MTAP: variants seen among roughly 807,000 people sequenced by gnomAD.
The protein encoded by MTAP is S-methyl-5'-thioadenosine phosphorylase.
MTAP carries 33 observed loss-of-function variants against 33.6 expected under a neutral mutation model. That is an observed-to-expected ratio of 0.98 (90% CI 0.74 to 1.31). MTAP has a LOEUF of 1.31. Ranked by LOEUF, MTAP falls within the 40% of genes most tolerant of loss-of-function variation. MTAP has a pLI of 0.00. For synonymous variants in MTAP, 148 were observed against 125.7 expected, an observed-to-expected ratio of 1.18 and a Z score of -1.19; for missense variants, 367 against 360.0, an observed-to-expected ratio of 1.02 and a Z score of -0.16.
chr9:21,862,954 C>G lies in MTAP; in HGVS notation c.*940C>G. ...AAAGTGGATTTAGAAAGATCCAGTT[C>G]TTGAAAACACTGTTTCTGGTAATGA... On this transcript the variant is annotated 3_prime_UTR_variant, in exon 8 of 8. Transcript: ENST00000644715. The G allele has an allele frequency of 1.0e-6, 1 of 982,860 alleles. No homozygotes were observed. Among genetic ancestry groups the G allele is most frequent in the Non-Finnish European group, 1.2e-6 (1 of 827,714 alleles). The allele number at this position is 982,860 out of a possible 1,614,324, so 60.9% of individuals were successfully genotyped here. A position where few individuals can be genotyped will look rare whatever the true frequency, so the allele number is the denominator to read the frequency against.
At chr9:21,873,759 T>C (rs1444089217) in intron 1 of MTAP, among the ~76,000 whole-genome samples, 3 of 152,122 alleles carry the variant, frequency 2.0e-5, no homozygotes, top group African/African-American at 7.2e-5. Context: ...AAGGAACAGC[T>C]ATAGAAGTTG....
chr9:21,905,015 T>C (rs907153869), intron 1 of MTAP, among the ~76,000 whole-genome samples: 1 of 152,156 alleles, frequency 6.6e-6, no homozygotes, highest in African/African-American at 2.4e-5. Flanking sequence ...TGGCAGTGTC[T>C]AGAGTTGTTT....
intron 4 of MTAP, 126 bp from the exon 5 acceptor site, chr9:21,837,782 G>GA: frequency 1.4e-6 from 1 of 722,306 alleles, no homozygotes; most frequent in Non-Finnish European, 2.3e-6. Flanking sequence ...AGCTTATCCA[G>GA]AGGAATTGAG....
At chr9:21,844,762 C>T (rs762008975) in intron 5 of MTAP, among the ~76,000 whole-genome samples, 65 of 152,286 alleles carry the variant, frequency 4.3e-4, no homozygotes, top group African/African-American at 1.3e-3. Flanking sequence ...GGGCTGGGCA[C>T]GGTGGCTCAC....
At chr9:21,929,576 C>T in intron 1 of MTAP, 2 of 367,608 alleles carry the variant, frequency 5.4e-6, no homozygotes, top group Non-Finnish European at 1.1e-5. Flanking sequence ...CCTTACTCCA[C>T]CAAATGCTGG....
chr9:21,817,920 C>G, intron 3 of MTAP, 115 bp from the exon 4 acceptor site: 1 of 1,004,734 alleles, frequency 1.0e-6, no homozygotes. Context: ...TAGGAGACCC[C>G]CTGTGTTAGT....
intron 1 of MTAP, among the ~76,000 whole-genome samples, chr9:21,895,874 C>G (rs1244558174): frequency 6.6e-6 from 1 of 152,122 alleles, no homozygotes; most frequent in Non-Finnish European, 1.5e-5. Flanking sequence ...GTAGATTCCA[C>G]CTCTGGGAAT....
chr9:21,895,369 G>A (rs1452176178), intron 1 of MTAP, among the ~76,000 whole-genome samples: 1 of 152,150 alleles, frequency 6.6e-6, no homozygotes, highest in Admixed American at 6.5e-5. Flanking sequence ...TTCCAAGATG[G>A]CTGAATAGGA....
At chr9:21,830,628 G>T (rs935651120) in intron 4 of MTAP, among the ~76,000 whole-genome samples, 2 of 152,118 alleles carry the variant, frequency 1.3e-5, no homozygotes, top group African/African-American at 4.8e-5. Flanking sequence ...CATAAGATAT[G>T]TACTCCCAGA....
chr9:21,850,874 C>G (rs796786882), intron 5 of MTAP, among the ~76,000 whole-genome samples: 1 of 152,176 alleles, frequency 6.6e-6, no homozygotes, highest in Admixed American at 6.5e-5. Context: ...CCTGAAGGCA[C>G]TTTGCTGTGC....
At chr9:21,912,567 C>T (rs1432505155) in intron 1 of MTAP, among the ~76,000 whole-genome samples, 10 of 152,080 alleles carry the variant, frequency 6.6e-5, no homozygotes, top group South Asian at 6.2e-4. Flanking sequence ...AAAAGACCTT[C>T]GATAAAATTG....
chr9:21,883,013 G>A (rs1178809016), intron 1 of MTAP, among the ~76,000 whole-genome samples: 2 of 151,126 alleles, frequency 1.3e-5, no homozygotes, highest in Non-Finnish European at 2.9e-5. Flanking sequence ...AACTCAAGAA[G>A]TGATTAAAAA....
intron 1 of MTAP, among the ~76,000 whole-genome samples, chr9:21,807,759 T>A (rs1401378018): frequency 6.6e-6 from 1 of 152,194 alleles, no homozygotes; most frequent in Non-Finnish European, 1.5e-5. Flanking sequence ...TTTTTGTTGC[T>A]TTGAGGAAGT....
At chr9:21,906,196 CAGA>C (rs1470480688) in intron 1 of MTAP, among the ~76,000 whole-genome samples, 1 of 151,876 alleles carries the variant, frequency 6.6e-6, no homozygotes, top group African/African-American at 2.4e-5. Flanking sequence ...CAAATGTTAG[CAGA>C]AGAAGAGATA....
chr9:21,818,264 G>A (rs1382279242), intron 4 of MTAP, 62 bp downstream of exon 4: 156 of 1,513,650 alleles, frequency 1.0e-4, no homozygotes, highest in Non-Finnish European at 1.3e-4. Context: ...TCAAATGGAC[G>A]ACGCGTGGGA....
At chr9:21,872,373 A>G (rs1312460353) in intron 1 of MTAP, among the ~76,000 whole-genome samples, 1 of 152,114 alleles carries the variant, frequency 6.6e-6, no homozygotes, top group Non-Finnish European at 1.5e-5. Flanking sequence ...GAATAGTAAA[A>G]CCAATATTTT....
chr9:21,823,803 G>A lies in MTAP; in HGVS notation c.347+5601G>A, dbSNP rs192950882. 6.9e-3 allele frequency among the ~76,000 whole-genome samples: 1,046 copies of A among 152,224 alleles called. 11 individuals carry two copies. Among genetic ancestry groups the A allele is most frequent in the African/African-American group, 0.023 (937 of 41,532 alleles). On this transcript the variant is annotated intron_variant, in intron 4 of 7. Transcript: ENST00000644715. ...TAGTCCCATATTTCTTGGAGGCTTC[G>A]TTCATTTCTTTTTACTCTTTTTTCT...
chr9:21,871,028 T>TA (rs1489595197), downstream of MTAP, among the ~76,000 whole-genome samples: 3 of 152,028 alleles, frequency 2.0e-5, no homozygotes, highest in Non-Finnish European at 4.4e-5. Flanking sequence ...GCCTCGGCCT[T>TA]ACAAAGTGCT....
chr9:21,887,417 C>T (rs2118731955), intron 1 of MTAP, among the ~76,000 whole-genome samples: 1 of 152,228 alleles, frequency 6.6e-6, no homozygotes, highest in South Asian at 2.1e-4. Flanking sequence ...CAGCTTCATC[C>T]ATGTCCCTAC....
Sources: gnomAD v4.1 joint callset for allele counts (sites outside exome capture counted in the v4.1 genomes callset) on GRCh38, gnomAD v4.1.1 for gene constraint, MANE v1.5 for transcripts, NCBI Gene and HGNC (gene_info 2026-07-23, HGNC 2026-07-21) for gene names.